Variants in GPATCH2 observed in about 807,000 individuals in gnomAD.
GPATCH2 encodes G patch domain-containing protein 2.
GPATCH2 carries 51 observed loss-of-function variants against 58.0 expected under a neutral mutation model. The observed-to-expected ratio is 0.88, with a 90% CI of 0.70 to 1.11. The LOEUF is 1.11. Ranked by LOEUF, GPATCH2 falls within the 50% of genes most tolerant of loss-of-function variation. GPATCH2 has a pLI of 0.00. For synonymous variants in GPATCH2, 222 were observed against 218.5 expected (o/e 1.02, Z -0.14); for missense variants, 625 against 652.2 (o/e 0.96, Z 0.45).
chr1:217,523,629 C>G (rs1211541714), intron 5 of GPATCH2, among the ~76,000 whole-genome samples: 17 of 151,814 alleles, frequency 1.1e-4, no homozygotes, highest in South Asian at 4.1e-4. Flanking sequence ...CACCTTTCCC[C>G]CCTTTCTATT....
intron 9 of GPATCH2, among the ~76,000 whole-genome samples, chr1:217,438,908 C>T (rs1658989081): frequency 6.6e-6 from 1 of 152,134 alleles, no homozygotes; most frequent in Non-Finnish European, 1.5e-5. Flanking sequence ...CTTAGACTTC[C>T]ACACAATAAT....
At chr1:217,610,122 C>G (rs1459978526) in intron 5 of GPATCH2, 199 bp downstream of exon 5, 1 of 1,547,134 alleles carries the variant, frequency 6.5e-7, no homozygotes, top group Non-Finnish European at 8.7e-7. Context: ...CCCAGATGTT[C>G]AAAACGTAAC....
chr1:217,584,087 A>T (rs1667204086), intron 5 of GPATCH2, among the ~76,000 whole-genome samples: 1 of 151,986 alleles, frequency 6.6e-6, no homozygotes, highest in Non-Finnish European at 1.5e-5. Context: ...GAATCTGGTA[A>T]ATCTTATAGA....
At position 217,443,714 on chromosome 1, in the gene GPATCH2, C is replaced by G. The variant is rs527637217; in HGVS notation, c.1366+5535G>C. Among the ~76,000 whole-genome samples, 38 of 152,204 alleles carry G rather than the reference C, an allele frequency of 2.5e-4. No homozygotes were observed. In the East Asian group the frequency reaches 6.6e-3, roughly 26 times the overall value. On this transcript the variant is annotated intron_variant, in intron 9 of 9. Coordinates refer to ENST00000366935, the MANE Select transcript of GPATCH2 (RefSeq NM_018040.5). Reference sequence around the variant, plus strand: ...TTATATTTTCAATCATTTTATCTCTCTGTGCTGCTTTTATGTAGCATAGAG... The same window carrying G: ...TTATATTTTCAATCATTTTATCTCTGTGTGCTGCTTTTATGTAGCATAGAG...
chr1:217,605,687 C>A (rs936615680), intron 5 of GPATCH2, among the ~76,000 whole-genome samples: 19 of 151,982 alleles, frequency 1.3e-4, no homozygotes, highest in African/African-American at 4.3e-4. Context: ...TAATTCAAAT[C>A]AAAAAAGAAT....
intron 8 of GPATCH2, among the ~76,000 whole-genome samples, chr1:217,470,661 G>A (rs1660685563): frequency 6.6e-6 from 1 of 152,154 alleles, no homozygotes; most frequent in Non-Finnish European, 1.5e-5. Context: ...CTGGCAATGT[G>A]AGAATAGTGT....
At chr1:217,598,765 T>TA (rs1052115123) in intron 5 of GPATCH2, among the ~76,000 whole-genome samples, 3 of 152,098 alleles carry the variant, frequency 2.0e-5, no homozygotes, top group Admixed American at 1.3e-4. Flanking sequence ...GCTTCCAGCC[T>TA]AAAAAAATAT....
chr1:217,514,918 A>G, intron 5 of GPATCH2, 29 bp from the exon 6 acceptor site: 3 of 1,096,056 alleles, frequency 2.7e-6, no homozygotes, highest in Admixed American at 1.7e-5. Context: ...AGAAAAAATA[A>G]ATTTCAGATT....
At chr1:217,519,007 A>T (rs1477201414) in intron 5 of GPATCH2, among the ~76,000 whole-genome samples, 1 of 152,238 alleles carries the variant, frequency 6.6e-6, no homozygotes, top group Non-Finnish European at 1.5e-5. Context: ...TCTTACGGCA[A>T]TTATTAATTT....
intron 2 of GPATCH2, among the ~76,000 whole-genome samples, chr1:217,617,295 CCT>C: frequency 6.6e-6 from 1 of 152,262 alleles, no homozygotes; most frequent in Non-Finnish European, 1.5e-5. Context: ...ATGCCATTTC[CCT>C]CTCTTCTCTT....
chr1:217,609,760 T>A, intron 5 of GPATCH2: 8 of 955,816 alleles, frequency 8.4e-6, no homozygotes, highest in Non-Finnish European at 8.7e-6. Flanking sequence ...GTCAGATATG[T>A]AAAAATTAAT....
chr1:217,629,952 C>A (rs1184221282), intron 1 of GPATCH2, among the ~76,000 whole-genome samples: 1 of 152,066 alleles, frequency 6.6e-6, no homozygotes. Flanking sequence ...TACTAGAATT[C>A]CTCATGTTCT....
intron 5 of GPATCH2, among the ~76,000 whole-genome samples, chr1:217,582,825 T>G (rs1667136280): frequency 6.6e-6 from 1 of 152,242 alleles, no homozygotes; most frequent in African/African-American, 2.4e-5. Flanking sequence ...GCCTTATGCC[T>G]ATTTAACATT....
At chr1:217,552,438 C>T (rs575866830) in intron 5 of GPATCH2, among the ~76,000 whole-genome samples, 5 of 152,004 alleles carry the variant, frequency 3.3e-5, no homozygotes, top group Non-Finnish European at 7.4e-5. Flanking sequence ...ACTGGTTTAC[C>T]TGTTCCAGAA....
At chr1:217,544,324 C>T (rs1266472852) in intron 5 of GPATCH2, among the ~76,000 whole-genome samples, 1 of 152,186 alleles carries the variant, frequency 6.6e-6, no homozygotes, top group African/African-American at 2.4e-5. Flanking sequence ...CCCAGGAAGG[C>T]GGAGGTTGCA....
intron 9 of GPATCH2, among the ~76,000 whole-genome samples, chr1:217,433,332 G>A (rs2102522696): frequency 6.8e-6 from 1 of 148,072 alleles, no homozygotes; most frequent in Non-Finnish European, 1.5e-5. Context: ...TACCCAAATG[G>A]CCAATTTATT....
At chr1:217,461,848 C>G (rs1226057483) in intron 8 of GPATCH2, among the ~76,000 whole-genome samples, 4 of 152,138 alleles carry the variant, frequency 2.6e-5, no homozygotes, top group Admixed American at 2.0e-4. Flanking sequence ...TCAGACCCTC[C>G]TCCTCCCTGA....
intron 5 of GPATCH2, among the ~76,000 whole-genome samples, chr1:217,596,497 A>G (rs1195532478): frequency 6.6e-6 from 1 of 152,184 alleles, no homozygotes; most frequent in Non-Finnish European, 1.5e-5. Context: ...GCTTTTTGTG[A>G]ACATTAAATG....
intron 5 of GPATCH2, among the ~76,000 whole-genome samples, chr1:217,540,228 A>AGGAG (rs1454455667): frequency 6.6e-6 from 1 of 152,166 alleles, no homozygotes; most frequent in Admixed American, 6.5e-5. Context: ...AAGGAAAGGA[A>AGGAG]GGAGGGAGGG....
Sources: allele counts gnomAD v4.1 joint callset (sites outside exome capture counted in the v4.1 genomes callset), GRCh38; gene constraint gnomAD v4.1.1; transcripts MANE v1.5; gene names NCBI Gene and HGNC (gene_info 2026-07-23, HGNC 2026-07-21).